Variants in CADPS observed in about 807,000 individuals in gnomAD.
CADPS encodes calcium dependent secretion activator, also known as calcium-dependent secretion activator 1.
In CADPS, 57 loss-of-function variants were observed where a neutral mutation model predicts 167.3. That is an observed-to-expected ratio of 0.34 (90% CI 0.28 to 0.42). CADPS has a LOEUF of 0.42. Ranked by LOEUF, CADPS falls within the 20% of genes least tolerant of loss-of-function variation. The pLI, the probability that CADPS is intolerant of heterozygous loss-of-function variation, is 1.00. For synonymous variants in CADPS, 676 were observed against 635.3 expected, an observed-to-expected ratio of 1.06 and a Z score of -0.96; for missense variants, 1,414 against 1,738.1, an observed-to-expected ratio of 0.81 and a Z score of 3.32.
intron 3 of CADPS, among the ~76,000 whole-genome samples, chr3:62,750,353 C>CAAAA (rs56069272): frequency 0.039 from 1,718 of 44,364 alleles, 113 homozygotes; most frequent in East Asian, 0.072. Flanking sequence ...TCTTAAGCTC[C>CAAAA]AAAAAAAAAA....
chr3:62,634,820 G>T (rs1425922265), intron 6 of CADPS, among the ~76,000 whole-genome samples: 1 of 152,130 alleles, frequency 6.6e-6, no homozygotes, highest in Non-Finnish European at 1.5e-5. Context: ...CTACATTTCT[G>T]CTTTTGTTCC....
In CADPS at chr3:62,810,970, C is replaced by CTG. The variant is rs2094365416; in HGVS notation, c.442-44988_442-44987dup. ...GATACAAAATCCAAAGGAACTGGTA[C>CTG]TGGTGGTGGGGAAACAAACCCAGAA... is the stretch of plus-strand genomic sequence containing the variant. On this transcript the variant is annotated intron_variant, in intron 1 of 29. Transcript: ENST00000383710. Among the ~76,000 whole-genome samples, 3 of 152,324 alleles carry CTG rather than the reference C, an allele frequency of 2.0e-5. No homozygotes were observed. In the East Asian group the frequency reaches 5.8e-4, roughly 29 times the overall value.
intron 1 of CADPS, among the ~76,000 whole-genome samples, chr3:62,770,774 G>T (rs304191): frequency 6.6e-6 from 1 of 151,994 alleles, no homozygotes; most frequent in African/African-American, 2.4e-5. Context: ...ACAAACTTTC[G>T]TATCAAGATA....
intron 21 of CADPS, among the ~76,000 whole-genome samples, chr3:62,489,144 C>A (rs114073892): frequency 0.016 from 2,408 of 151,810 alleles, 51 homozygotes; most frequent in African/African-American, 0.055. Context: ...AAAGAAGTAG[C>A]AGTCATGTGT....
At chr3:62,557,317 G>A in intron 10 of CADPS, 88 bp downstream of exon 10, 1 of 865,666 alleles carries the variant, frequency 1.2e-6, no homozygotes, top group South Asian at 1.4e-5. Flanking sequence ...TGCCTAGCAT[G>A]GAGTAAGTGC....
intron 6 of CADPS, among the ~76,000 whole-genome samples, chr3:62,638,421 T>C (rs1172105951): frequency 1.3e-5 from 2 of 152,150 alleles, no homozygotes; most frequent in Non-Finnish European, 2.9e-5. Flanking sequence ...GTATTAAATT[T>C]GATTTCTACT....
chr3:62,570,251 AAG>A (rs1491044409), intron 9 of CADPS, among the ~76,000 whole-genome samples: 3 of 148,034 alleles, frequency 2.0e-5, no homozygotes, highest in Non-Finnish European at 2.9e-5. Context: ...AAAAAAAAAA[AAG>A]AAGTTTAATA....
intron 1 of CADPS, among the ~76,000 whole-genome samples, chr3:62,830,183 G>A (rs1029076706): frequency 2.0e-5 from 3 of 152,104 alleles, no homozygotes; most frequent in South Asian, 4.1e-4. Context: ...GAGGTCTGGC[G>A]CCTAGTGGAT....
intron 26 of CADPS, among the ~76,000 whole-genome samples, chr3:62,461,173 G>A (rs1451647198): frequency 6.6e-6 from 1 of 152,228 alleles, no homozygotes; most frequent in Admixed American, 6.5e-5. Context: ...GGATTGTTCT[G>A]AGGATTCAGC....
chr3:62,775,767 G>C (rs529608070), intron 1 of CADPS, among the ~76,000 whole-genome samples: 24 of 152,282 alleles, frequency 1.6e-4, no homozygotes, highest in African/African-American at 5.8e-4. Context: ...CCTTCCTCGT[G>C]CTGCCTGAGT....
chr3:62,450,809 C>T (rs369332320), intron 26 of CADPS, among the ~76,000 whole-genome samples: 10 of 152,118 alleles, frequency 6.6e-5, no homozygotes, highest in South Asian at 2.1e-4. Flanking sequence ...CGTGCTTGCT[C>T]CATGATTTCT....
rs1404354971 is a variant in CADPS, at chr3:62,697,333, G to C, written c.889-34939C>G. Among the ~76,000 whole-genome samples the C allele has an allele frequency of 2.6e-5, 4 of 151,912 alleles. 1 individual carries two copies. The highest frequency in any genetic ancestry group is 9.7e-5 in the African/African-American group (4 of 41,322). ...TATGCCTTTGCATCCTCACAGCTTA[G>C]CTCCCACTTATGAGTGAGAGCATAT... On this transcript the variant is annotated intron_variant, in intron 3 of 29. Transcript: ENST00000383710.
chr3:62,614,315 C>T (rs796258808), intron 6 of CADPS, among the ~76,000 whole-genome samples: 6 of 152,184 alleles, frequency 3.9e-5, no homozygotes, highest in African/African-American at 1.2e-4. Context: ...TGTGACCCTC[C>T]CCCTGTCCCC....
chr3:62,547,586 GC>G (rs386396848), intron 11 of CADPS, among the ~76,000 whole-genome samples: 988 of 31,388 alleles, frequency 0.031, 17 homozygotes, highest in South Asian at 0.047. Context: ...TATCATTTAC[GC>G]CCCCCCCCCC....
chr3:62,768,496 C>T (rs977096548), intron 1 of CADPS, among the ~76,000 whole-genome samples: 5 of 152,274 alleles, frequency 3.3e-5, no homozygotes, highest in African/African-American at 1.2e-4. Flanking sequence ...CAGGCCAAAT[C>T]TATTATCTGT....
At chr3:62,703,610 C>G (rs2151609703) in intron 3 of CADPS, among the ~76,000 whole-genome samples, 1 of 152,192 alleles carries the variant, frequency 6.6e-6, no homozygotes, top group South Asian at 2.1e-4. Flanking sequence ...TTAGAAGTGA[C>G]ATGCCCTGAG....
intron 26 of CADPS, among the ~76,000 whole-genome samples, chr3:62,456,128 C>T (rs373285633): frequency 2.6e-5 from 4 of 152,098 alleles, no homozygotes; most frequent in African/African-American, 9.7e-5. Context: ...CTGTGCAAGT[C>T]ATTTTCCTTC....
chr3:62,611,577 G>T (rs1326857357), intron 6 of CADPS, among the ~76,000 whole-genome samples: 1 of 152,124 alleles, frequency 6.6e-6, no homozygotes, highest in Non-Finnish European at 1.5e-5. Context: ...TTTCACCATG[G>T]CCTACAAGGC....
intron 1 of CADPS, among the ~76,000 whole-genome samples, chr3:62,857,252 T>C (rs1336505567): frequency 6.6e-6 from 1 of 151,938 alleles, no homozygotes; most frequent in Non-Finnish European, 1.5e-5. Context: ...ACGCATCGAG[T>C]TGGCAAAGCA....
Sources: allele counts gnomAD v4.1 joint callset (sites outside exome capture counted in the v4.1 genomes callset), GRCh38; gene constraint gnomAD v4.1.1; transcripts MANE v1.5; gene names NCBI Gene and HGNC (gene_info 2026-07-23, HGNC 2026-07-21).